TESK2: variants seen among roughly 807,000 people sequenced by gnomAD.
TESK2 encodes testis associated actin remodelling kinase 2.
TESK2 carries 39 observed loss-of-function variants against 57.1 expected under a neutral mutation model. The ratio of observed to expected loss-of-function variants is 0.68; its 90% CI spans 0.53 to 0.89. The LOEUF is 0.89. TESK2 is among the 40% of genes least tolerant of loss of function. The pLI is 0.00. For missense variants in TESK2, 646 were observed against 732.1 expected, an observed-to-expected ratio of 0.88 and a Z score of 1.36; for synonymous variants, 249 against 267.9, an observed-to-expected ratio of 0.93 and a Z score of 0.69.
intron 2 of TESK2, among the ~76,000 whole-genome samples, chr1:45,431,140 C>T (rs540993107): frequency 6.6e-6 from 1 of 152,168 alleles, no homozygotes; most frequent in Non-Finnish European, 1.5e-5. Flanking sequence ...TGCAAGAGGC[C>T]GGGCACAGTG....
chr1:45,362,170 A>C (rs891063540), intron 4 of TESK2, among the ~76,000 whole-genome samples: 1 of 152,182 alleles, frequency 6.6e-6, no homozygotes, highest in African/African-American at 2.4e-5. Context: ...AGCCTCCAGA[A>C]GTGTGAGAAA....
chr1:45,345,664 CCT>C (rs1207541597), intron 10 of TESK2, 106 bp from the exon 11 acceptor site: 1 of 1,113,168 alleles, frequency 9.0e-7, no homozygotes, highest in East Asian at 2.4e-5. Context: ...ATACCATGGC[CCT>C]GTTTTACCAA....
At chr1:45,353,917 T>C (rs915349591) in intron 5 of TESK2, among the ~76,000 whole-genome samples, 1 of 152,120 alleles carries the variant, frequency 6.6e-6, no homozygotes, top group Non-Finnish European at 1.5e-5. Context: ...GATCAGCTGA[T>C]GCCAAAGAGG....
chr1:45,460,993 A>G (rs910828739), intron 1 of TESK2, among the ~76,000 whole-genome samples: 2 of 152,258 alleles, frequency 1.3e-5, no homozygotes, highest in East Asian at 3.9e-4. Context: ...AAACTACCTG[A>G]GGAGCTTGTT....
At chr1:45,379,902 T>G (rs1403481706) in intron 4 of TESK2, among the ~76,000 whole-genome samples, 1 of 152,178 alleles carries the variant, frequency 6.6e-6, no homozygotes, top group African/African-American at 2.4e-5. Flanking sequence ...TTTAAATTTT[T>G]TTTTTAGGCA....
intron 5 of TESK2, among the ~76,000 whole-genome samples, chr1:45,351,901 G>A (rs892354034): frequency 5.3e-5 from 8 of 152,182 alleles, no homozygotes; most frequent in Non-Finnish European, 1.2e-4. Flanking sequence ...AAGCACTTGA[G>A]AAACTCATGC....
chr1:45,484,725 C>T (rs1252562713), intron 1 of TESK2, among the ~76,000 whole-genome samples: 1 of 146,586 alleles, frequency 6.8e-6, no homozygotes, highest in Non-Finnish European at 1.5e-5. Flanking sequence ...GAGTGAGACT[C>T]TTGTCTCAAA....
rs60515365 is a variant in TESK2 at position 45,434,959 on chromosome 1, C to CTTTTTTTTTTTTTTTTTTTTT, written c.223-13114_223-13113insAAAAAAAAAAAAAAAAAAAAA. The stretch of plus-strand genomic sequence containing the variant: ...GTGTTTCCTCTGTTTACTTTTCTTT[C>CTTTTTTTTTTTTTTTTTTTTT]TTTTTTTTTTTTTTCTTTTTTTGAG... On this transcript the variant is annotated intron_variant, in intron 2 of 10. Coordinates refer to ENST00000372086, the MANE Select transcript of TESK2 (RefSeq NM_007170.3). 1.4e-5 allele frequency among the ~76,000 whole-genome samples: 2 copies of CTTTTTTTTTTTTTTTTTTTTT among 140,450 alleles called. 1 individual carries two copies. The highest frequency in any genetic ancestry group is 3.1e-5 in the Non-Finnish European group (2 of 65,302). The allele number at this position is 140,450 out of a possible 152,430, so 92.1% of individuals were successfully genotyped here. A position where few individuals can be genotyped will look rare whatever the true frequency, so the allele number is the denominator to read the frequency against.
At chr1:45,379,289 A>G (rs1003356430) in intron 4 of TESK2, among the ~76,000 whole-genome samples, 3 of 152,102 alleles carry the variant, frequency 2.0e-5, no homozygotes, top group African/African-American at 7.2e-5. Flanking sequence ...CCTCAGCAGG[A>G]GTAGCTGGGA....
intron 4 of TESK2, among the ~76,000 whole-genome samples, chr1:45,375,423 CT>C (rs34730448): frequency 0.016 from 2,135 of 135,500 alleles, 16 homozygotes; most frequent in East Asian, 0.028. Context: ...TTCCTTCACC[CT>C]TTTTTTTTTT....
chr1:45,457,578 A>G lies in TESK2; in HGVS notation c.208T>C (p.Ser70Pro). The G allele has an allele frequency of 6.2e-7, 1 of 1,614,040 alleles. No homozygotes were observed. Among genetic ancestry groups the G allele is most frequent in the Non-Finnish European group, 8.5e-7 (1 of 1,179,954 alleles). The change falls in exon 2 of 11, where the codon TCT becomes CCT. Residue 70 changes from serine to proline, a missense_variant. Transcript: ENST00000372086. ...GACTCACTCACCTTGAACACTTCAG[A>G]AAAGAAGCCAGACCCTATTTTTTCA... ...TCEKIGSGFF[S>P]EVFKVRHRAS...
At chr1:45,438,475 G>A (rs182957616) in intron 2 of TESK2, among the ~76,000 whole-genome samples, 102 of 152,300 alleles carry the variant, frequency 6.7e-4, no homozygotes, top group African/African-American at 1.4e-3. Context: ...CAGCCTCAGC[G>A]ACAGAGTAAG....
chr1:45,364,083 T>C (rs1226247928), intron 4 of TESK2, among the ~76,000 whole-genome samples: 1 of 152,164 alleles, frequency 6.6e-6, no homozygotes, highest in African/African-American at 2.4e-5. Flanking sequence ...GCATCTACAG[T>C]TAATTCAGCA....
intron 3 of TESK2, among the ~76,000 whole-genome samples, chr1:45,406,270 T>C (rs1649845109): frequency 6.6e-6 from 1 of 152,146 alleles, no homozygotes; most frequent in Admixed American, 6.5e-5. Flanking sequence ...AATTTCTCAA[T>C]AAAATATTTT....
chr1:45,418,116 T>C (rs1650323994), intron 3 of TESK2, among the ~76,000 whole-genome samples: 1 of 152,210 alleles, frequency 6.6e-6, no homozygotes, highest in Non-Finnish European at 1.5e-5. Flanking sequence ...TAGCCCTACA[T>C]GCTGAGATTA....
At chr1:45,421,159 G>A (rs1294368138) in intron 3 of TESK2, among the ~76,000 whole-genome samples, 5 of 152,090 alleles carry the variant, frequency 3.3e-5, no homozygotes, top group Non-Finnish European at 1.5e-5. Flanking sequence ...GGAGTCTGAG[G>A]TGGGGAAGCT....
At chr1:45,480,885 G>A (rs1485067483) in intron 1 of TESK2, among the ~76,000 whole-genome samples, 1 of 151,890 alleles carries the variant, frequency 6.6e-6, no homozygotes, top group African/African-American at 2.4e-5. Flanking sequence ...CTACTCAGGA[G>A]GCTGAGGCAG....
intron 2 of TESK2, among the ~76,000 whole-genome samples, chr1:45,441,682 G>A (rs796709267): frequency 2.0e-5 from 3 of 147,512 alleles, no homozygotes; most frequent in Non-Finnish European, 3.0e-5. Context: ...ACAGTGGTGC[G>A]ATCTCAGCTC....
chr1:45,347,660 G>C lies in TESK2; in HGVS notation c.657C>G (p.Ser219=). The C allele has an allele frequency of 6.2e-7, 1 of 1,614,138 alleles. No individual in the cohort carries two copies. Among genetic ancestry groups the C allele is most frequent in the Non-Finnish European group, 8.5e-7 (1 of 1,180,030 alleles). Residue 219 remains serine (S), a synonymous_variant, in exon 7 of 11, where the codon TCC becomes TCG. Transcript: ENST00000372086. ...MGSEKLAVVG[S]PFWMAPEVLR... The stretch of plus-strand genomic sequence containing the variant: ...GAACCTCAGGTGCCATCCAGAATGG[G>C]GAACCCACCACGGCCAGCTTCTCAC...
Sources: allele counts gnomAD v4.1 joint callset (sites outside exome capture counted in the v4.1 genomes callset), GRCh38; gene constraint gnomAD v4.1.1; transcripts MANE v1.5; gene names NCBI Gene and HGNC (gene_info 2026-07-23, HGNC 2026-07-21).